PTPRN2: variants seen among roughly 807,000 people sequenced by gnomAD.
The protein encoded by PTPRN2 is protein tyrosine phosphatase receptor type N2, also known as receptor-type tyrosine-protein phosphatase N2.
A neutral mutation model predicts 118.8 loss-of-function variants in PTPRN2; 74 were observed. The observed-to-expected ratio is 0.62, with a 90% confidence interval of 0.52 to 0.76. PTPRN2 has a LOEUF of 0.76. PTPRN2 is among the 30% of genes least tolerant of loss of function. The pLI is 0.00. For missense variants in PTPRN2, 1,481 were observed against 1,394.4 expected, an observed-to-expected ratio of 1.06 and a Z score of -0.99; for synonymous variants, 641 against 608.0, an observed-to-expected ratio of 1.05 and a Z score of -0.80.
chr7:158,081,912 C>G (rs1027153369), intron 10 of PTPRN2, among the ~76,000 whole-genome samples: 1 of 152,158 alleles, frequency 6.6e-6, no homozygotes, highest in Non-Finnish European at 1.5e-5. Context: ...ATGTCAACCA[C>G]AATTTTGAAA....
intron 12 of PTPRN2, among the ~76,000 whole-genome samples, chr7:157,736,198 G>C (rs1800287739): frequency 6.6e-6 from 1 of 152,182 alleles, no homozygotes; most frequent in Non-Finnish European, 1.5e-5. Flanking sequence ...ATTCAAAGGA[G>C]GCTGCTCTTA....
In PTPRN2 at chr7:158,316,801, G is replaced by C. The variant is rs371437547; in HGVS notation, c.277+18C>G. On this transcript the variant is annotated intron_variant, in intron 3 of 22. Coordinates refer to ENST00000389418, the MANE Select transcript of PTPRN2 (RefSeq NM_002847.5). ...CTCAGTGCGGCAGCCGCCGAGCCTC[G>C]GCCCACGCCCGCCCTACCTGTGCCG... 1.3e-6 allele frequency: 2 copies of C among 1,573,426 alleles called. No individual in the cohort carries two copies. The highest frequency in any genetic ancestry group is 1.7e-6 in the Non-Finnish European group (2 of 1,165,532).
In PTPRN2 at chr7:157,779,899, C is replaced by T. The variant is rs1241628881; in HGVS notation, c.1789-96962G>A. Among the ~76,000 whole-genome samples the T allele has an allele frequency of 6.6e-6, 1 of 152,142 alleles. No homozygotes were observed. Among genetic ancestry groups the T allele is most frequent in the Non-Finnish European group, 1.5e-5 (1 of 68,032 alleles). ...GGACGCCACTGATACCATCGACGTA[C>T]AACACGCCGCAAGCAGCCCTCGAGG... On this transcript the variant is annotated intron_variant, in intron 12 of 22. Coordinates refer to ENST00000389418, the MANE Select transcript of PTPRN2 (RefSeq NM_002847.5). This position sits in a 1 kb window ranked among gnomAD's most constrained non-coding sequence, Gnocchi z 4.7.
In PTPRN2 at chr7:158,067,437, C is replaced by G. The variant is rs116114561; in HGVS notation, c.1723+13861G>C. On this transcript the variant is annotated intron_variant, in intron 11 of 22. Transcript: ENST00000389418. ...CTCGGCTCCAGTGCCATTGAGGTCC[C>G]TGGGGGCTGCTCCCAATGGCTTGCT... 1.3e-4 allele frequency among the ~76,000 whole-genome samples: 20 copies of G among 152,312 alleles called. No individual in the cohort carries two copies. In the East Asian group the frequency reaches 2.3e-3, roughly 18 times the overall value.
intron 2 of PTPRN2, among the ~76,000 whole-genome samples, chr7:158,358,658 C>T (rs1218174364): frequency 1.3e-5 from 2 of 152,246 alleles, no homozygotes; most frequent in African/African-American, 4.8e-5. Context: ...CAGTCCACAC[C>T]TGCACCAGCC....
intron 10 of PTPRN2, among the ~76,000 whole-genome samples, chr7:158,095,977 T>C (rs1312756761): frequency 6.6e-6 from 1 of 152,214 alleles, no homozygotes; most frequent in Admixed American, 6.5e-5. Flanking sequence ...AGTACCCAAA[T>C]CCAGCATTTA....
rs561567907 is a variant in PTPRN2, at chr7:158,052,810, C to A, written c.1723+28488G>T. Among the ~76,000 whole-genome samples the A allele has an allele frequency of 1.6e-4, 24 of 152,286 alleles. No homozygotes were observed. The East Asian group carries it at 3.1e-3, about 20-fold the overall frequency. On this transcript the variant is annotated intron_variant, in intron 11 of 22. Coordinates refer to ENST00000389418, the MANE Select transcript of PTPRN2 (RefSeq NM_002847.5). ...GTGCCCTTTGGATCTTTTGGAGACACCTGGCCACAGTTCCCAGCCACTCGG... is the reference window on the plus strand; with the variant it reads ...GTGCCCTTTGGATCTTTTGGAGACAACTGGCCACAGTTCCCAGCCACTCGG...
chr7:158,162,062 G>A (rs531044714), intron 6 of PTPRN2, among the ~76,000 whole-genome samples: 6 of 152,216 alleles, frequency 3.9e-5, no homozygotes, highest in Non-Finnish European at 8.8e-5. Flanking sequence ...CAGAAGGGCC[G>A]GAACCCAGAA....
intron 12 of PTPRN2, among the ~76,000 whole-genome samples, chr7:157,717,857 G>A (rs570683751): frequency 1.0e-4 from 16 of 152,384 alleles, no homozygotes; most frequent in African/African-American, 2.4e-4. Context: ...TCTTTACTAC[G>A]GAAGGAGATT....
intron 12 of PTPRN2, among the ~76,000 whole-genome samples, chr7:157,717,708 A>G (rs750359572): frequency 6.6e-6 from 1 of 152,202 alleles, no homozygotes; most frequent in Non-Finnish European, 1.5e-5. Context: ...TTGCTGCAGG[A>G]CCGCTGGCTG....
intron 12 of PTPRN2, among the ~76,000 whole-genome samples, chr7:157,829,265 C>T (rs1213781938): frequency 6.6e-6 from 1 of 152,220 alleles, no homozygotes; most frequent in Non-Finnish European, 1.5e-5. Context: ...TCCCGTCTTG[C>T]TGCGAGTGTT....
chr7:158,296,940 G>A (rs987211170), intron 3 of PTPRN2, among the ~76,000 whole-genome samples: 3 of 152,194 alleles, frequency 2.0e-5, no homozygotes, highest in Admixed American at 2.0e-4. Context: ...GAACTCTAAG[G>A]GAGGTGGAGC....
rs538443644 is a variant in PTPRN2 at position 158,170,094 on chromosome 7, C to A, written c.550-2803G>T. Among the ~76,000 whole-genome samples, 7 of 152,318 alleles carry A rather than the reference C, an allele frequency of 4.6e-5. No individual in the cohort carries two copies. In the East Asian group the frequency reaches 1.3e-3, roughly 29 times the overall value. On this transcript the variant is annotated intron_variant, in intron 5 of 22. Coordinates refer to ENST00000389418, the MANE Select transcript of PTPRN2 (RefSeq NM_002847.5). ...CAAGGACTAGCTGAAATCAACTATT[C>A]TTCCCTTAAGAAAGAGAATATGTGA...
At chr7:157,995,514 A>G (rs528692572) in intron 11 of PTPRN2, among the ~76,000 whole-genome samples, 10 of 152,382 alleles carry the variant, frequency 6.6e-5, no homozygotes, top group African/African-American at 2.4e-4. Context: ...GCCCAATTCA[A>G]TGAGCATTTG....
At chr7:157,841,794 T>C (rs1280643671) in intron 12 of PTPRN2, among the ~76,000 whole-genome samples, 2 of 152,178 alleles carry the variant, frequency 1.3e-5, no homozygotes, top group Non-Finnish European at 2.9e-5. Context: ...ATTGCAGCGT[T>C]CGGGGTGCTG....
At chr7:158,377,320 G>A (rs1414698112) in intron 2 of PTPRN2, among the ~76,000 whole-genome samples, 1 of 152,282 alleles carries the variant, frequency 6.6e-6, no homozygotes, top group African/African-American at 2.4e-5. Flanking sequence ...GTTTCATCAT[G>A]AATCTGGTAG....
chr7:158,206,246 G>T (rs1827131933), intron 3 of PTPRN2, among the ~76,000 whole-genome samples: 1 of 152,184 alleles, frequency 6.6e-6, no homozygotes, highest in Non-Finnish European at 1.5e-5. Context: ...GCTCAGCCAA[G>T]TAGGATAGGG....
At chr7:157,709,704 A>G (rs2150884902) in intron 12 of PTPRN2, among the ~76,000 whole-genome samples, 1 of 152,114 alleles carries the variant, frequency 6.6e-6, no homozygotes, top group African/African-American at 2.4e-5. Context: ...TGCGCCACAC[A>G]CCCGCCTTCA....
chr7:158,097,867 C>G (rs541356013), intron 10 of PTPRN2, among the ~76,000 whole-genome samples: 2 of 152,380 alleles, frequency 1.3e-5, no homozygotes, highest in Admixed American at 1.3e-4. Context: ...CACAAAACCG[C>G]AGGAGAGTCT....
Sources: gnomAD v4.1 joint callset for allele counts (sites outside exome capture counted in the v4.1 genomes callset) on GRCh38, gnomAD v4.1.1 for gene constraint, Gnocchi (gnomAD v3.1) non-coding constraint, MANE v1.5 for transcripts, NCBI Gene and HGNC (gene_info 2026-07-23, HGNC 2026-07-21) for gene names.